Variants in RHBDD1 observed in about 807,000 individuals in gnomAD.
RHBDD1 encodes the protein rhomboid-related protein 4.
A neutral mutation model predicts 36.3 loss-of-function variants in RHBDD1; 38 were observed. The observed-to-expected ratio is 1.05, with a 90% CI of 0.81 to 1.37. The LOEUF (loss-of-function observed/expected upper bound fraction) is 1.37. Ranked by LOEUF, RHBDD1 falls within the 40% of genes most tolerant of loss-of-function variation. The pLI is 0.00. For missense variants in RHBDD1, 393 were observed against 377.6 expected (o/e 1.04, Z -0.34); for synonymous variants, 151 against 136.5 (o/e 1.11, Z -0.74).
chr2:226,811,258 C>G, the RHBDD1 span, among the ~76,000 whole-genome samples: 3,704 of 152,104 alleles, frequency 0.024, 154 homozygotes, highest in African/African-American at 0.084. Flanking sequence ...TACCAAAGCA[C>G]TTTAGTCATG....
chr2:226,800,765 A>G, the RHBDD1 span, among the ~76,000 whole-genome samples: 229 of 152,320 alleles, frequency 1.5e-3, 1 homozygote, highest in African/African-American at 5.2e-3. Context: ...CACAGCTCCC[A>G]CACCCATTGA....
chr2:226,838,201 G>C (rs1331873319), intron 2 of RHBDD1, 47 bp downstream of exon 2: 1 of 152,184 alleles, frequency 6.6e-6, no homozygotes, highest in Admixed American at 6.5e-5. Flanking sequence ...ATGAGAGCAC[G>C]CTGCTCCCAA....
chr2:226,903,661 A>G (rs759893734), intron 5 of RHBDD1, among the ~76,000 whole-genome samples: 3 of 152,170 alleles, frequency 2.0e-5, no homozygotes, highest in Non-Finnish European at 4.4e-5. Flanking sequence ...AGGAGGCAGA[A>G]ACAGTGGGTA....
intron 5 of RHBDD1, among the ~76,000 whole-genome samples, chr2:226,903,057 T>A (rs1214897175): frequency 6.6e-6 from 1 of 152,194 alleles, no homozygotes; most frequent in Non-Finnish European, 1.5e-5. Flanking sequence ...ATTCTTTTCA[T>A]CTAAATTGAA....
chr2:226,843,701 G>A (rs535363832), intron 3 of RHBDD1, among the ~76,000 whole-genome samples: 2 of 152,262 alleles, frequency 1.3e-5, no homozygotes, highest in South Asian at 4.1e-4. Context: ...TTGCCTTGAG[G>A]TTCATCAAGG....
chr2:226,960,411 A>C (rs1313667231), intron 8 of RHBDD1, among the ~76,000 whole-genome samples: 1 of 152,014 alleles, frequency 6.6e-6, no homozygotes, highest in Non-Finnish European at 1.5e-5. Flanking sequence ...AGAGAATTTC[A>C]CTCTTTTAAC....
the RHBDD1 span, chr2:226,805,174 A>T: frequency 1.3e-5 from 2 of 152,166 alleles, no homozygotes; most frequent in Non-Finnish European, 2.9e-5. Context: ...TGGTCATTTA[A>T]TCCAGAGAAA....
At chr2:226,991,473 C>G (rs927780814) in intron 8 of RHBDD1, among the ~76,000 whole-genome samples, 2 of 152,168 alleles carry the variant, frequency 1.3e-5, no homozygotes, top group African/African-American at 4.8e-5. Flanking sequence ...AGCCACCATG[C>G]CCAGCCCATT....
chr2:226,987,711 C>T (rs560782812), intron 8 of RHBDD1, among the ~76,000 whole-genome samples: 1 of 152,308 alleles, frequency 6.6e-6, no homozygotes, highest in South Asian at 2.1e-4. Flanking sequence ...TGGTGGACCC[C>T]AGATATGAAC....
chr2:226,947,298 T>A (rs1250866177), intron 8 of RHBDD1, among the ~76,000 whole-genome samples: 2 of 151,834 alleles, frequency 1.3e-5, no homozygotes, highest in African/African-American at 4.8e-5. Flanking sequence ...AAGGAAGGGA[T>A]CCAGTTTCAG....
intron 8 of RHBDD1, among the ~76,000 whole-genome samples, chr2:226,952,293 G>GTTTT (rs5839184): frequency 1.4e-5 from 1 of 71,198 alleles, no homozygotes; most frequent in South Asian, 4.8e-4. Context: ...TTTTGGTTTG[G>GTTTT]TTTTTTTTTT....
At chr2:226,843,732 T>C (rs1484400841) in intron 3 of RHBDD1, among the ~76,000 whole-genome samples, 3 of 152,178 alleles carry the variant, frequency 2.0e-5, no homozygotes, top group African/African-American at 7.2e-5. Context: ...GAATTTTTCT[T>C]TTTGTTGTTG....
intron 5 of RHBDD1, among the ~76,000 whole-genome samples, chr2:226,899,931 T>C (rs1947448430): frequency 6.6e-6 from 1 of 152,192 alleles, no homozygotes; most frequent in African/African-American, 2.4e-5. Context: ...TCAGAATAAA[T>C]GGCTTCCTCT....
intron 8 of RHBDD1, among the ~76,000 whole-genome samples, chr2:226,940,445 C>T (rs187668139): frequency 3.3e-5 from 5 of 152,118 alleles, no homozygotes; most frequent in African/African-American, 1.2e-4. Context: ...TAAAGAGCCA[C>T]GTTGTTAAAA....
intron 5 of RHBDD1, among the ~76,000 whole-genome samples, chr2:226,903,810 C>T (rs887255815): frequency 3.3e-5 from 5 of 152,120 alleles, no homozygotes; most frequent in Admixed American, 2.6e-4. Context: ...TCCATATAAA[C>T]CTGAGACCCC....
At chr2:226,916,079 C>CATAAGGTTTACAGGAGAGTGCAGAA (rs1948885822) in intron 8 of RHBDD1, among the ~76,000 whole-genome samples, 1 of 152,224 alleles carries the variant, frequency 6.6e-6, no homozygotes, top group African/African-American at 2.4e-5. Flanking sequence ...CAGGCCACAG[C>CATAAGGTTTACAGGAGAGTGCAGAA]ATAAGGTTTA....
At chr2:226,986,565 G>A (rs921892407) in intron 8 of RHBDD1, among the ~76,000 whole-genome samples, 1 of 152,094 alleles carries the variant, frequency 6.6e-6, no homozygotes, top group African/African-American at 2.4e-5. Context: ...ATGTGGCCAA[G>A]AAGCATATGA....
intron 5 of RHBDD1, among the ~76,000 whole-genome samples, chr2:226,869,684 T>C (rs1944628081): frequency 6.6e-6 from 1 of 152,090 alleles, no homozygotes; most frequent in South Asian, 2.1e-4. Context: ...TCGTGAGGAG[T>C]ATGAGGCATG....
intron 8 of RHBDD1, among the ~76,000 whole-genome samples, chr2:226,924,427 A>C (rs1439934000): frequency 6.6e-6 from 1 of 152,078 alleles, no homozygotes; most frequent in African/African-American, 2.4e-5. Context: ...TTCTCTCCTC[A>C]AGCACTGGGA....
Sources: gnomAD v4.1 joint callset for allele counts (sites outside exome capture counted in the v4.1 genomes callset) on GRCh38, gnomAD v4.1.1 for gene constraint, MANE v1.5 for transcripts, NCBI Gene and HGNC (gene_info 2026-07-23, HGNC 2026-07-21) for gene names.